CYFIP1: variants seen among roughly 807,000 people sequenced by gnomAD.
CYFIP1 encodes cytoplasmic FMR1 interacting protein 1.
CYFIP1 carries 58 observed loss-of-function variants against 163.5 expected under a neutral mutation model. The ratio of observed to expected loss-of-function variants is 0.35; its 90% CI spans 0.29 to 0.44. The LOEUF (loss-of-function observed/expected upper bound fraction) is 0.44. Ranked by LOEUF, CYFIP1 falls within the 20% of genes least tolerant of loss-of-function variation. The pLI is 1.00. For missense variants in CYFIP1, 1,338 were observed against 1,653.8 expected, an observed-to-expected ratio of 0.81 and a Z score of 3.31; for synonymous variants, 663 against 660.7, an observed-to-expected ratio of 1.00 and a Z score of -0.05.
chr15:22,883,991 G>T (rs2059859883), intron 23 of CYFIP1, among the ~76,000 whole-genome samples: 3 of 152,116 alleles, frequency 2.0e-5, no homozygotes, highest in African/African-American at 7.2e-5. Context: ...AAAACCATCA[G>T]ATCTCGTGAG....
chr15:22,980,615 C>G (rs2140308401), upstream of CYFIP1, among the ~76,000 whole-genome samples: 1 of 152,044 alleles, frequency 6.6e-6, no homozygotes, highest in East Asian at 2.0e-4. Flanking sequence ...GGGGTCGGAG[C>G]GGAGCGGGCG....
At position 22,873,485 on chromosome 15, in the gene CYFIP1, ACT is replaced by A; in HGVS notation, c.3449+4_3449+5del. The stretch of plus-strand genomic sequence containing the variant: ...GGGCTTTGTCCTGCTCTCAGCACAC[ACT>A]TACTCGACTGTGAACTCGTGTGTCC... On this transcript the variant is annotated splice_donor_5th_base_variant and intron_variant, in intron 29 of 30. Coordinates refer to ENST00000617928, the MANE Select transcript of CYFIP1 (RefSeq NM_014608.6). 1 of 1,610,344 alleles carries A rather than the reference ACT, an allele frequency of 6.2e-7. No individual in the cohort carries two copies. Among genetic ancestry groups the A allele is most frequent in the South Asian group, 1.1e-5 (1 of 90,864 alleles).
intron 20 of CYFIP1, 121 bp from the exon 21 acceptor site, chr15:22,909,434 C>T (rs1262276646): frequency 4.2e-5 from 51 of 1,213,650 alleles, no homozygotes; most frequent in Non-Finnish European, 5.6e-5. Context: ...TTTACAACCA[C>T]GTTCAAGACC....
intron 22 of CYFIP1, among the ~76,000 whole-genome samples, chr15:22,900,104 G>A (rs2060347615): frequency 6.6e-6 from 1 of 152,168 alleles, no homozygotes; most frequent in Non-Finnish European, 1.5e-5. Context: ...TGGAAAGAGG[G>A]TCACCACATA....
At chr15:22,871,155 T>C (rs894262428) in intron 30 of CYFIP1, among the ~76,000 whole-genome samples, 1 of 152,150 alleles carries the variant, frequency 6.6e-6, no homozygotes, top group African/African-American at 2.4e-5. Flanking sequence ...AATGCACATC[T>C]TGGGGGAAAG....
At chr15:22,873,464 T>A (rs767950694) in intron 29 of CYFIP1, 27 bp downstream of exon 29, 1 of 1,588,490 alleles carries the variant, frequency 6.3e-7, no homozygotes, top group Admixed American at 1.7e-5. Flanking sequence ...CCTCTGGGGC[T>A]TTGTCCTGCT....
chr15:22,883,620 A>G (rs1327290455), intron 23 of CYFIP1, among the ~76,000 whole-genome samples: 4 of 152,068 alleles, frequency 2.6e-5, no homozygotes, highest in African/African-American at 7.2e-5. Context: ...GATGGAGACC[A>G]TCCTGGCTAA....
intron 22 of CYFIP1, among the ~76,000 whole-genome samples, chr15:22,894,841 CTATATG>C (rs1281195231): frequency 6.9e-6 from 1 of 144,520 alleles, no homozygotes; most frequent in Non-Finnish European, 1.5e-5. Context: ...CATTTATAGT[CTATATG>C]TATATATTAT....
At chr15:22,934,733 C>CAA in intron 9 of CYFIP1, among the ~76,000 whole-genome samples, 1 of 151,624 alleles carries the variant, frequency 6.6e-6, no homozygotes, top group East Asian at 1.9e-4. Flanking sequence ...CTCCTGACCT[C>CAA]GTGATCCACC....
In CYFIP1 at chr15:22,868,729, G is replaced by T. The variant is rs2059327548; in HGVS notation, c.*1299C>A. The T allele has an allele frequency of 6.6e-6, 1 of 152,138 alleles. No individual in the cohort carries two copies. The highest frequency in any genetic ancestry group is 2.4e-5 in the African/African-American group (1 of 41,414). 9.4% of individuals were successfully genotyped at this position (152,138 alleles called of 1,614,324 possible). ...CATATGCTTCTGGACAGTTTCCAAAGGCCTCCGGAAAAGTAGGCGAGGCCT... is the reference window on the plus strand; with the variant it reads ...CATATGCTTCTGGACAGTTTCCAAATGCCTCCGGAAAAGTAGGCGAGGCCT... On this transcript the variant is annotated 3_prime_UTR_variant, in exon 31 of 31. Coordinates refer to ENST00000617928, the MANE Select transcript of CYFIP1 (RefSeq NM_014608.6).
chr15:22,973,072 G>A (rs141772114), intron 1 of CYFIP1, among the ~76,000 whole-genome samples: 244 of 152,254 alleles, frequency 1.6e-3, no homozygotes, highest in Non-Finnish European at 2.4e-3. Context: ...GGAGACAGAG[G>A]TTGCAGTGAG....
At chr15:22,940,834 G>A (rs1021889283) in intron 6 of CYFIP1, among the ~76,000 whole-genome samples, 7 of 152,156 alleles carry the variant, frequency 4.6e-5, no homozygotes, top group African/African-American at 9.7e-5. Flanking sequence ...TGAGTCAGGC[G>A]TTCAACACCA....
chr15:22,904,357 G>A, intron 21 of CYFIP1: 1 of 242,446 alleles, frequency 4.1e-6, no homozygotes, highest in South Asian at 5.6e-5. Flanking sequence ...TGTTCCCACA[G>A]GCCTTGCAAG....
At chr15:22,924,291 G>A (rs2061290661) in intron 13 of CYFIP1, among the ~76,000 whole-genome samples, 1 of 152,136 alleles carries the variant, frequency 6.6e-6, no homozygotes, top group Admixed American at 6.6e-5. Context: ...GGGCGTGGTG[G>A]TGGGTGCCTG....
At chr15:22,895,225 A>G (rs1167226490) in intron 22 of CYFIP1, among the ~76,000 whole-genome samples, 1 of 152,148 alleles carries the variant, frequency 6.6e-6, no homozygotes, top group South Asian at 2.1e-4. Flanking sequence ...TGTGTTAGCC[A>G]GGATGGTCTC....
At chr15:22,931,697 A>AAAAAAAAAAC (rs2061542393) in intron 11 of CYFIP1, among the ~76,000 whole-genome samples, 1 of 150,080 alleles carries the variant, frequency 6.7e-6, no homozygotes, top group Non-Finnish European at 1.5e-5. Context: ...AAAAAAAAAA[A>AAAAAAAAAAC]AAAAAAAAAA....
chr15:22,979,985 C>T (rs187840871), intron 1 of CYFIP1, among the ~76,000 whole-genome samples: 1 of 151,924 alleles, frequency 6.6e-6, no homozygotes, highest in Admixed American at 6.6e-5. Flanking sequence ...AGGCGGTGAA[C>T]GCGGGGGCGG....
rs768134844 is a variant in CYFIP1 at position 22,872,856 on chromosome 15, T to C, written c.3566A>G (p.His1189Arg). ...TTTAATAATCTCATCTTTGCCATCA[T>C]GTTTCTGGACTTTAAGTAGATGGTA... ...FCYHLLKVQK[H>R]DGKDEIIKNV... is the part of the protein sequence containing the mutation. Residue 1189 changes from histidine (H) to arginine (R), a missense_variant, in exon 30 of 31, where the codon CAT (histidine) becomes CGT (arginine). This residue lies in a region of CYFIP1 where 306 missense variants were observed against 322.1 expected (regional missense o/e 0.95). Coordinates refer to ENST00000617928, the MANE Select transcript of CYFIP1 (RefSeq NM_014608.6). 2.5e-5 allele frequency: 41 copies of C among 1,614,048 alleles called. 1 individual carries two copies. The highest frequency in any genetic ancestry group is 1.1e-4 in the African/African-American group (8 of 74,940).
At position 22,873,500 on chromosome 15, in the gene CYFIP1, A is replaced by T. The variant is rs1209896178; in HGVS notation, c.3440T>A (p.Phe1147Tyr). 1 of 1,613,248 alleles carries T rather than the reference A, an allele frequency of 6.2e-7. No individual in the cohort carries two copies. Among genetic ancestry groups the T allele is most frequent in the African/African-American group, 1.3e-5 (1 of 74,912 alleles). The change falls in exon 29 of 31, where the codon TTC becomes TAC. Residue 1147 changes from phenylalanine to tyrosine, a missense_variant. Around this residue, in one of 4 missense-constraint regions of CYFIP1, gnomAD observed 306 missense variants for 322.1 expected, o/e 0.95. Coordinates refer to ENST00000617928, the MANE Select transcript of CYFIP1 (RefSeq NM_014608.6). ...CTCAGCACACACTTACTCGACTGTGAACTCGTGTGTCCCCACGGGAATGCA... is the reference window on the plus strand; with the variant it reads ...CTCAGCACACACTTACTCGACTGTGTACTCGTGTGTCCCCACGGGAATGCA... Reference protein sequence around the residue: ...VYCIPVGTHEFTVEQCFGDGL... With the variant: ...VYCIPVGTHEYTVEQCFGDGL...
Sources: allele counts gnomAD v4.1 joint callset (sites outside exome capture counted in the v4.1 genomes callset), GRCh38; gene constraint gnomAD v4.1.1; regional missense constraint gnomAD v4.1.1; transcripts MANE v1.5; gene names NCBI Gene and HGNC (gene_info 2026-07-23, HGNC 2026-07-21).